The following SLC26A5 variants were observed in gnomAD, a reference collection of about 807,000 sequenced individuals.
SLC26A5 encodes the protein solute carrier family 26 member 5.
SLC26A5 carries 51 observed loss-of-function variants against 81.0 expected under a neutral mutation model. The observed-to-expected ratio is 0.63, with a 90% confidence interval of 0.50 to 0.80. SLC26A5 has a LOEUF of 0.80. SLC26A5 is among the 30% of genes least tolerant of loss of function. The pLI, the probability that SLC26A5 is intolerant of heterozygous loss-of-function variation, is 0.00. For missense variants in SLC26A5, 771 were observed against 905.8 expected (o/e 0.85, Z 1.91); for synonymous variants, 325 against 332.8 (o/e 0.98, Z 0.25).
chr7:103,421,002 C>T, intron 3 of SLC26A5, 125 bp from the exon 4 acceptor site: 1 of 1,030,184 alleles, frequency 9.7e-7, no homozygotes, highest in Non-Finnish European at 1.5e-6. Flanking sequence ...ATTGGTGATT[C>T]AAGATGTTGC....
At chr7:103,354,365 ATTTTTTT>A (rs752847513) in intron 19 of SLC26A5, among the ~76,000 whole-genome samples, 76 of 134,548 alleles carry the variant, frequency 5.6e-4, no homozygotes, top group East Asian at 2.2e-3. Context: ...TTCACACACG[ATTTTTTT>A]TTTTTTTTTT....
chr7:103,399,859 T>C (rs1318323765), intron 8 of SLC26A5, among the ~76,000 whole-genome samples: 1 of 152,188 alleles, frequency 6.6e-6, no homozygotes, highest in Non-Finnish European at 1.5e-5. Flanking sequence ...CTGAGAATGA[T>C]GGTTTCCAGC....
intron 2 of SLC26A5, chr7:103,433,699 CTTTCTTTTTTT>C (rs1382607406): frequency 7.2e-6 from 1 of 139,322 alleles, no homozygotes; most frequent in African/African-American, 2.9e-5. Context: ...ATTTTTTTTT[CTTTCTTTTTTT>C]TTTTTTTTTT....
At chr7:103,384,146 A>G (rs1215850934) in intron 14 of SLC26A5, among the ~76,000 whole-genome samples, 1 of 151,900 alleles carries the variant, frequency 6.6e-6, no homozygotes, top group Non-Finnish European at 1.5e-5. Flanking sequence ...ACAATAAAAT[A>G]AAAAAAATTT....
At chr7:103,405,602 C>G (rs1823981178) in intron 8 of SLC26A5, among the ~76,000 whole-genome samples, 1 of 152,160 alleles carries the variant, frequency 6.6e-6, no homozygotes, top group Non-Finnish European at 1.5e-5. Context: ...CAGAGATCCC[C>G]TGGATGAGGT....
At chr7:103,418,781 C>A (rs1357528808) in intron 4 of SLC26A5, among the ~76,000 whole-genome samples, 1 of 152,146 alleles carries the variant, frequency 6.6e-6, no homozygotes, top group East Asian at 1.9e-4. Context: ...CCTTTGCCTA[C>A]CATGAGCTGC....
rs1329430013 is a variant in SLC26A5, at chr7:103,412,454, A to G, written c.403+548T>C. On this transcript the variant is annotated intron_variant, in intron 5 of 19. Coordinates refer to ENST00000306312, the MANE Select transcript of SLC26A5 (RefSeq NM_198999.3). ...TTATCTCATTTCACAGATTTCAACA[A>G]TTGCCCTTTTACACAAGAAAATTGT... 1.3e-5 allele frequency among the ~76,000 whole-genome samples: 2 copies of G among 151,952 alleles called. 1 individual carries two copies. Among genetic ancestry groups the G allele is most frequent in the South Asian group, 4.1e-4 (2 of 4,824 alleles).
At chr7:103,360,863 G>C (rs1397815882) in intron 19 of SLC26A5, among the ~76,000 whole-genome samples, 3 of 152,178 alleles carry the variant, frequency 2.0e-5, no homozygotes, top group Non-Finnish European at 4.4e-5. Context: ...TGTAATCCCA[G>C]CACTTTGGGA....
In SLC26A5 at chr7:103,397,914, T is replaced by C; in HGVS notation, c.971+18A>G. 6.3e-7 allele frequency: 1 copy of C among 1,597,010 alleles called. No homozygotes were observed. Among genetic ancestry groups the C allele is most frequent in the Non-Finnish European group, 8.6e-7 (1 of 1,164,438 alleles). On this transcript the variant is annotated intron_variant, in intron 9 of 19. Coordinates refer to ENST00000306312, the MANE Select transcript of SLC26A5 (RefSeq NM_198999.3). ...TTGATTATTTCAGTCACACAGTTAC[T>C]TAAAACCACTTTCCTACCCTAGAGG...
At chr7:103,393,115 G>T (rs1563534736) in intron 9 of SLC26A5, 49 bp from the exon 10 acceptor site, 1 of 1,602,764 alleles carries the variant, frequency 6.2e-7, no homozygotes, top group Non-Finnish European at 8.5e-7. Context: ...CAAGGGAAAA[G>T]AAAAAAAACC....
chr7:103,380,622 TTA>T, intron 14 of SLC26A5, 73 bp from the exon 15 acceptor site: 1 of 1,387,880 alleles, frequency 7.2e-7, no homozygotes, highest in South Asian at 1.2e-5. Flanking sequence ...TTGTGTATGT[TTA>T]TGTCAGGTTG....
At chr7:103,406,030 C>T (rs1324525684) in intron 8 of SLC26A5, among the ~76,000 whole-genome samples, 1 of 152,176 alleles carries the variant, frequency 6.6e-6, no homozygotes, top group East Asian at 1.9e-4. Flanking sequence ...CCCCTCCCCC[C>T]ACCAAGCTCA....
At chr7:103,358,534 GCTTTT>G (rs1431587203) in intron 19 of SLC26A5, among the ~76,000 whole-genome samples, 1 of 151,478 alleles carries the variant, frequency 6.6e-6, no homozygotes, top group Non-Finnish European at 1.5e-5. Context: ...CTTTCTATGA[GCTTTT>G]CTTTATCTTT....
rs561556151 is a variant in SLC26A5 at position 103,427,099 on chromosome 7, A to G, written c.-53-5532T>C. Among the ~76,000 whole-genome samples the G allele has an allele frequency of 3.0e-4, 45 of 149,950 alleles. No individual in the cohort carries two copies. The South Asian group carries it at 9.5e-3, about 32-fold the overall frequency. ...GATTTTTTTTTTTTTTTTGAGACAC[A>G]TTCTCACTCTGTTGCCTAGGCTGGA... On this transcript the variant is annotated intron_variant, in intron 2 of 19. Transcript: ENST00000306312.
intron 2 of SLC26A5, among the ~76,000 whole-genome samples, chr7:103,422,209 T>G (rs983282619): frequency 6.6e-6 from 1 of 152,182 alleles, no homozygotes; most frequent in Non-Finnish European, 1.5e-5. Context: ...CTTATATGAG[T>G]AAAACAATGA....
At chr7:103,425,123 A>G (rs1825622716) in intron 2 of SLC26A5, among the ~76,000 whole-genome samples, 1 of 152,182 alleles carries the variant, frequency 6.6e-6, no homozygotes, top group African/African-American at 2.4e-5. Flanking sequence ...CTGAGAGTAT[A>G]AACACAAGAG....
intron 8 of SLC26A5, among the ~76,000 whole-genome samples, chr7:103,401,884 C>T (rs892652373): frequency 6.6e-6 from 1 of 152,198 alleles, no homozygotes; most frequent in Non-Finnish European, 1.5e-5. Flanking sequence ...GTTGAACCAG[C>T]CTTGCATCCC....
intron 9 of SLC26A5, among the ~76,000 whole-genome samples, chr7:103,396,390 A>C (rs898156405): frequency 2.0e-5 from 3 of 152,220 alleles, no homozygotes; most frequent in African/African-American, 7.2e-5. Flanking sequence ...CCACAGCTGC[A>C]CTATTCACAA....
At chr7:103,371,383 G>A (rs1821024728), downstream of SLC26A5, among the ~76,000 whole-genome samples, 1 of 149,260 alleles carries the variant, frequency 6.7e-6, no homozygotes, top group Non-Finnish European at 1.5e-5. Context: ...GGAGTGCAGT[G>A]GCGCGATCTC....
Sources: allele counts gnomAD v4.1 joint callset (sites outside exome capture counted in the v4.1 genomes callset), GRCh38; gene constraint gnomAD v4.1.1; transcripts MANE v1.5; gene names NCBI Gene and HGNC (gene_info 2026-07-23, HGNC 2026-07-21).